Variants in TBC1D1 observed in about 807,000 individuals in gnomAD.
The protein encoded by TBC1D1 is TBC1 domain family member 1.
In TBC1D1, 89 loss-of-function variants were observed where a neutral mutation model predicts 125.6. The observed-to-expected ratio is 0.71, with a 90% CI of 0.60 to 0.85. The LOEUF is 0.85. TBC1D1 is among the 40% of genes least tolerant of loss of function. The probability of loss-of-function intolerance (pLI) is 0.00; values close to 1 mark genes in which losing one functional copy is unlikely to be tolerated. For missense variants in TBC1D1, 1,377 were observed against 1,469.2 expected, an observed-to-expected ratio of 0.94 and a Z score of 1.03; for synonymous variants, 565 against 564.1, an observed-to-expected ratio of 1.00 and a Z score of -0.02.
intron 2 of TBC1D1, chr4:37,996,340 GTATTGT>G (rs1369424692): frequency 5.4e-6 from 1 of 186,742 alleles, no homozygotes; most frequent in Non-Finnish European, 1.2e-5. Context: ...GCAATGAATA[GTATTGT>G]TATTGTTACC....
intron 2 of TBC1D1, among the ~76,000 whole-genome samples, chr4:37,954,653 AG>A (rs1280155620): frequency 6.6e-6 from 1 of 152,120 alleles, no homozygotes; most frequent in Non-Finnish European, 1.5e-5. Flanking sequence ...AGAGATGATG[AG>A]GACCGGCCTA....
intron 2 of TBC1D1, among the ~76,000 whole-genome samples, chr4:37,990,947 G>T (rs1438071177): frequency 6.6e-6 from 1 of 152,016 alleles, no homozygotes; most frequent in Non-Finnish European, 1.5e-5. Flanking sequence ...CAAGAAATCT[G>T]GCCGCTTCAA....
At chr4:37,956,087 C>T (rs923160803) in intron 2 of TBC1D1, among the ~76,000 whole-genome samples, 29 of 150,968 alleles carry the variant, frequency 1.9e-4, no homozygotes, top group Admixed American at 2.0e-4. Flanking sequence ...GTACCGGTGT[C>T]GTGATCTAGG....
intron 3 of TBC1D1, among the ~76,000 whole-genome samples, chr4:38,017,652 C>T (rs1355379958): frequency 6.6e-6 from 1 of 152,134 alleles, no homozygotes; most frequent in South Asian, 2.1e-4. Context: ...AGAATGGCAG[C>T]GTCAGGATGT....
chr4:38,035,819 T>C, intron 8 of TBC1D1, 121 bp downstream of exon 8: 1 of 752,152 alleles, frequency 1.3e-6, no homozygotes, highest in South Asian at 1.6e-5. Flanking sequence ...TTATTTTCCT[T>C]TGTTGCACAT....
intron 2 of TBC1D1, among the ~76,000 whole-genome samples, chr4:38,003,791 C>A (rs535522097): frequency 8.4e-4 from 127 of 151,550 alleles, no homozygotes; most frequent in African/African-American, 2.7e-3. Context: ...TCGCTCAAGC[C>A]TGAGAGGTTG....
At chr4:38,120,324 C>A (rs1003264432) in intron 17 of TBC1D1, among the ~76,000 whole-genome samples, 1 of 152,196 alleles carries the variant, frequency 6.6e-6, no homozygotes, top group African/African-American at 2.4e-5. Context: ...TTTGCAAGAA[C>A]TGCTTTTTTT....
rs1764787380 is a variant in TBC1D1 at position 38,127,135 on chromosome 4, G to A, written c.3132+2004G>A. On this transcript the variant is annotated intron_variant, in intron 18 of 19. Transcript: ENST00000261439. ...ATGTCACCTTGCTCCTGTCCCTCAG[G>A]CCATCCCAGCTGACATTGTTTACCT... Among the ~76,000 whole-genome samples, 3 of 151,306 alleles carry A rather than the reference G, an allele frequency of 2.0e-5. 1 individual carries two copies. The South Asian group carries it at 6.2e-4, about 32-fold the overall frequency.
intron 11 of TBC1D1, chr4:38,051,970 G>A (rs781243971): frequency 1.9e-5 from 29 of 1,550,600 alleles, no homozygotes; most frequent in East Asian, 9.8e-5. Flanking sequence ...CCTCCACCTC[G>A]TCTTAACCCC....
intron 2 of TBC1D1, among the ~76,000 whole-genome samples, chr4:37,929,873 A>G (rs1722917125): frequency 6.6e-6 from 1 of 152,182 alleles, no homozygotes; most frequent in Non-Finnish European, 1.5e-5. Context: ...AGAAAGAAAG[A>G]GAAGAAAAAG....
At chr4:38,131,806 A>G (rs1310441979) in intron 18 of TBC1D1, among the ~76,000 whole-genome samples, 1 of 152,128 alleles carries the variant, frequency 6.6e-6, no homozygotes, top group African/African-American at 2.4e-5. Context: ...CCAGTAAACA[A>G]TTCTCTCTCT....
chr4:38,106,375 C>T (rs559219578), intron 15 of TBC1D1, among the ~76,000 whole-genome samples: 2 of 152,286 alleles, frequency 1.3e-5, no homozygotes, highest in East Asian at 1.9e-4. Context: ...ACCCTCTGAG[C>T]GCAGGAGGCC....
chr4:38,101,385 T>G (rs1760306349), intron 14 of TBC1D1, among the ~76,000 whole-genome samples: 1 of 152,216 alleles, frequency 6.6e-6, no homozygotes, highest in Non-Finnish European at 1.5e-5. Context: ...TTCCACCTTT[T>G]TGGCCTTGTA....
chr4:37,932,992 G>A (rs1199125318), intron 2 of TBC1D1, among the ~76,000 whole-genome samples: 1 of 151,776 alleles, frequency 6.6e-6, no homozygotes, highest in Admixed American at 6.6e-5. Context: ...GGGAGGCAGA[G>A]GTTGCAATGA....
At chr4:38,109,044 G>A (rs990310899) in intron 15 of TBC1D1, among the ~76,000 whole-genome samples, 4 of 152,220 alleles carry the variant, frequency 2.6e-5, no homozygotes, top group African/African-American at 9.6e-5. Flanking sequence ...AGGGGTGCTG[G>A]CGGGGACCAC....
Position 38,014,568 on chromosome 4 carries a change from G to T in TBC1D1, c.477G>T (p.Leu159=). Residue 159 remains leucine, a synonymous_variant, in exon 3 of 20, where the codon CTG becomes CTT. Coordinates refer to ENST00000261439, the MANE Select transcript of TBC1D1 (RefSeq NM_015173.4). The surrounding 1 kb of genome is among the most constrained non-coding windows in gnomAD (Gnocchi z 5.1). ...GGAAGATCGCCCGGCAGGAGGAGCT[G>T]CACTGCCCGTCCGAGTTCGACGACA... 1.2e-6 allele frequency: 2 copies of T among 1,613,374 alleles called. No homozygotes were observed. Among genetic ancestry groups the T allele is most frequent in the Non-Finnish European group, 1.7e-6 (2 of 1,180,038 alleles).
chr4:37,915,145 A>G (rs754887985), intron 2 of TBC1D1, among the ~76,000 whole-genome samples: 1 of 150,576 alleles, frequency 6.6e-6, no homozygotes, highest in Non-Finnish European at 1.5e-5. Flanking sequence ...TAGATACTTC[A>G]TGAATGAATG....
chr4:37,921,533 A>G (rs1387078139), intron 2 of TBC1D1, among the ~76,000 whole-genome samples: 1 of 151,024 alleles, frequency 6.6e-6, no homozygotes, highest in East Asian at 2.0e-4. Context: ...CAGCCTCCCT[A>G]GTAGCTGGGA....
chr4:38,121,804 A>T (rs1449211288), intron 17 of TBC1D1, among the ~76,000 whole-genome samples: 1 of 152,228 alleles, frequency 6.6e-6, no homozygotes, highest in Admixed American at 6.5e-5. Flanking sequence ...GTGGGTTTAT[A>T]GGTAACATTT....
Sources: gnomAD v4.1 joint callset for allele counts (sites outside exome capture counted in the v4.1 genomes callset) on GRCh38, gnomAD v4.1.1 for gene constraint, Gnocchi (gnomAD v3.1) non-coding constraint, MANE v1.5 for transcripts, NCBI Gene and HGNC (gene_info 2026-07-23, HGNC 2026-07-21) for gene names.